The following MOXD1 variants were observed in gnomAD, a reference collection of about 807,000 sequenced individuals.
MOXD1 encodes the protein monooxygenase DBH like 1.
A neutral mutation model predicts 66.6 loss-of-function variants in MOXD1; 62 were observed. The ratio of observed to expected loss-of-function variants is 0.93; its 90% CI spans 0.76 to 1.15. MOXD1 has a LOEUF of 1.15. Among genes scored for constraint, MOXD1 ranks in the 50% most tolerant of loss-of-function variants. MOXD1 has a pLI of 0.00. For missense variants in MOXD1, 847 were observed against 754.6 expected, an observed-to-expected ratio of 1.12 and a Z score of -1.44; for synonymous variants, 303 against 281.9, an observed-to-expected ratio of 1.07 and a Z score of -0.75.
rs1320822814 is a variant in MOXD1, at chr6:132,328,485, T to C, written c.773A>G (p.Tyr258Cys). The change falls in exon 5 of 12, where the codon TAT (tyrosine) becomes TGT (cysteine). Residue 258 changes from tyrosine to cysteine, a missense_variant. Transcript: ENST00000367963. ...DSVLESGHEC[Y>C]HPNMPDAFLT... ...GAATGCATCGGGCATGTTGGGGTGA[T>C]AGCACTCGTGGCCGGACTCCAGAAC... 3.1e-6 allele frequency: 5 copies of C among 1,613,992 alleles called. No homozygotes were observed. Among genetic ancestry groups the C allele is most frequent in the Middle Eastern group, 1.6e-4 (1 of 6,084 alleles).
intron 9 of MOXD1, among the ~76,000 whole-genome samples, chr6:132,317,503 T>C (rs1774985022): frequency 6.6e-6 from 1 of 152,074 alleles, no homozygotes; most frequent in Non-Finnish European, 1.5e-5. Context: ...TCTCCTACTG[T>C]AGGGAGTAAA....
At chr6:132,301,728 C>A (rs1342001854) in intron 10 of MOXD1, among the ~76,000 whole-genome samples, 1 of 152,074 alleles carries the variant, frequency 6.6e-6, no homozygotes, top group Non-Finnish European at 1.5e-5. Context: ...AACAAAAATT[C>A]ATTAACAGAC....
rs182022392 is a variant in MOXD1, at chr6:132,363,695, T to C, written c.663+8913A>G. Among the ~76,000 whole-genome samples the C allele has an allele frequency of 4.0e-3, 605 of 152,244 alleles. 3 individuals carry two copies. Among genetic ancestry groups the C allele is most frequent in the Non-Finnish European group, 4.5e-3 (306 of 68,002 alleles). On this transcript the variant is annotated intron_variant, in intron 4 of 11. Coordinates refer to ENST00000367963, the MANE Select transcript of MOXD1 (RefSeq NM_015529.4). Reference sequence around the variant, plus strand: ...AGTGTGTTCATATGGAAAGTGGTGGTTATTCAACTTACTTTGTGGGAGGCT... The same window carrying C: ...AGTGTGTTCATATGGAAAGTGGTGGCTATTCAACTTACTTTGTGGGAGGCT...
intron 10 of MOXD1, among the ~76,000 whole-genome samples, chr6:132,304,232 TGAGAAC>T (rs1336814598): frequency 0.019 from 2,837 of 152,088 alleles, 91 homozygotes; most frequent in African/African-American, 0.065. Flanking sequence ...CTTCTACTTG[TGAGAAC>T]ACAGCAAGAA....
intron 9 of MOXD1, 86 bp from the exon 10 acceptor site, chr6:132,315,863 C>T (rs1346371528): frequency 1.5e-6 from 2 of 1,341,006 alleles, no homozygotes; most frequent in Non-Finnish European, 1.0e-6. Flanking sequence ...TCATACAGTT[C>T]CTTCCAATAT....
At chr6:132,326,803 ACTTTATT>A (rs1775197962) in intron 6 of MOXD1, among the ~76,000 whole-genome samples, 3 of 152,182 alleles carry the variant, frequency 2.0e-5, no homozygotes, top group Admixed American at 6.5e-5. Flanking sequence ...AAAAAAAGAT[ACTTTATT>A]GGCTTGCTCA....
At chr6:132,307,627 C>A (rs1774724454) in intron 10 of MOXD1, among the ~76,000 whole-genome samples, 2 of 152,198 alleles carry the variant, frequency 1.3e-5, no homozygotes, top group Non-Finnish European at 2.9e-5. Context: ...AAGTAAAACA[C>A]TTCTCGGCAA....
Position 132,322,764 on chromosome 6 carries a change from TC to T in MOXD1, c.1219del (p.Glu407LysfsTer2). Reference sequence around the variant, plus strand: ...ATCATCATAGGCAAGTAATTTCATTTCCTTCCCTTTTCGAAAATGACGCAGC... The same window carrying T: ...ATCATCATAGGCAAGTAATTTCATTTCTTCCCTTTTCGAAAATGACGCAGC... Reference protein sequence around the residue: ...IRLRHFRKGKEMKLLAYDDDF... With the variant: ...IRLRHFRKGKXMKLLAYDDDF... On this transcript the variant is annotated frameshift_variant, in exon 8 of 12. Transcript: ENST00000367963. LOFTEE classifies it high-confidence loss of function. 6.2e-7 allele frequency: 1 copy of T among 1,614,028 alleles called. No individual in the cohort carries two copies. The highest frequency in any genetic ancestry group is 2.2e-5 in the East Asian group (1 of 44,896).
chr6:132,396,557 AC>A (rs1280218196), intron 1 of MOXD1, among the ~76,000 whole-genome samples: 3 of 90,570 alleles, frequency 3.3e-5, no homozygotes, highest in African/African-American at 1.9e-4. Context: ...CAAAACAGAG[AC>A]AAAAAAAATA....
At chr6:132,381,088 T>C (rs1776499245) in intron 1 of MOXD1, among the ~76,000 whole-genome samples, 1 of 152,224 alleles carries the variant, frequency 6.6e-6, no homozygotes, top group Non-Finnish European at 1.5e-5. Context: ...TTTTCTGATG[T>C]TAATTTATAT....
At chr6:132,308,478 C>A (rs1178629516) in intron 10 of MOXD1, among the ~76,000 whole-genome samples, 1 of 152,116 alleles carries the variant, frequency 6.6e-6, no homozygotes, top group Non-Finnish European at 1.5e-5. Flanking sequence ...TGAAACTATT[C>A]CAAATAATTG....
At chr6:132,349,424 T>TATATATATATACATATATATATATATAC (rs1562289954) in intron 4 of MOXD1, among the ~76,000 whole-genome samples, 4 of 22,318 alleles carry the variant, frequency 1.8e-4, no homozygotes, top group Non-Finnish European at 3.2e-4. Context: ...TATATATACA[T>TATATATATATACATATATATATATATAC]ATATATATAT....
intron 10 of MOXD1, among the ~76,000 whole-genome samples, chr6:132,311,433 T>C (rs1162153804): frequency 6.6e-6 from 1 of 151,424 alleles, no homozygotes; most frequent in African/African-American, 2.4e-5. Context: ...AAATAATAAA[T>C]ACTTGGTGGT....
At chr6:132,310,698 G>A (rs1410312655) in intron 10 of MOXD1, among the ~76,000 whole-genome samples, 4 of 152,116 alleles carry the variant, frequency 2.6e-5, no homozygotes, top group African/African-American at 7.2e-5. Context: ...CCTTTGAAGG[G>A]ACATGGATGA....
intron 4 of MOXD1, among the ~76,000 whole-genome samples, chr6:132,371,949 C>T (rs1378904391): frequency 6.6e-6 from 1 of 152,176 alleles, no homozygotes; most frequent in Non-Finnish European, 1.5e-5. Flanking sequence ...ATGGATCATA[C>T]CTTTGGCCTC....
chr6:132,342,888 T>C (rs1372984832), intron 4 of MOXD1, among the ~76,000 whole-genome samples: 1 of 152,216 alleles, frequency 6.6e-6, no homozygotes, highest in Non-Finnish European at 1.5e-5. Flanking sequence ...TATATCTGAA[T>C]TTCTGCCAGT....
intron 4 of MOXD1, among the ~76,000 whole-genome samples, chr6:132,348,786 G>C (rs1364922779): frequency 1.3e-5 from 2 of 152,034 alleles, no homozygotes; most frequent in Non-Finnish European, 2.9e-5. Flanking sequence ...TCTAACAAAA[G>C]AGCATATAAA....
At chr6:132,327,399 G>C (rs942843484) in intron 6 of MOXD1, among the ~76,000 whole-genome samples, 2 of 152,184 alleles carry the variant, frequency 1.3e-5, no homozygotes, top group South Asian at 4.1e-4. Context: ...AGTATTTGCT[G>C]AAAAATTGCA....
At chr6:132,363,306 T>G (rs1176808623) in intron 4 of MOXD1, among the ~76,000 whole-genome samples, 1 of 151,944 alleles carries the variant, frequency 6.6e-6, no homozygotes, top group Non-Finnish European at 1.5e-5. Flanking sequence ...TCACTATAAG[T>G]GTCTGCATAT....
Sources: gnomAD v4.1 joint callset for allele counts (sites outside exome capture counted in the v4.1 genomes callset) on GRCh38, gnomAD v4.1.1 for gene constraint, MANE v1.5 for transcripts, NCBI Gene and HGNC (gene_info 2026-07-23, HGNC 2026-07-21) for gene names.